SP140: variants seen among roughly 807,000 people sequenced by gnomAD.
SP140 encodes nuclear body protein SP140.
A neutral mutation model predicts 125.0 loss-of-function variants in SP140; 81 were observed. The ratio of observed to expected loss-of-function variants is 0.65; its 90% CI spans 0.54 to 0.78. The LOEUF is 0.78. SP140 is among the 30% of genes least tolerant of loss of function. SP140 has a pLI of 0.00. For synonymous variants in SP140, 312 were observed against 354.0 expected (o/e 0.88, Z 1.33); for missense variants, 858 against 1,037.0 (o/e 0.83, Z 2.37).
At chr2:230,304,423 C>T in intron 22 of SP140, among the ~76,000 whole-genome samples, 1 of 151,968 alleles carries the variant, frequency 6.6e-6, no homozygotes, top group East Asian at 1.9e-4. Flanking sequence ...CATACAGAAC[C>T]AAAAAAGAGC....
intron 15 of SP140, among the ~76,000 whole-genome samples, chr2:230,273,734 G>T (rs1355847241): frequency 9.9e-5 from 15 of 152,146 alleles, no homozygotes; most frequent in Non-Finnish European, 1.9e-4. Context: ...AAGAAAATGT[G>T]GTTCATGTAC....
At chr2:230,306,112 G>T (rs142617106) in intron 22 of SP140, among the ~76,000 whole-genome samples, 62 of 152,334 alleles carry the variant, frequency 4.1e-4, no homozygotes, top group Non-Finnish European at 7.2e-4. Context: ...ACGGCCAGAG[G>T]AGCAGCAGTG....
intron 7 of SP140, 151 bp downstream of exon 7, chr2:230,246,091 A>G: frequency 3.2e-6 from 2 of 615,566 alleles, no homozygotes; most frequent in East Asian, 2.8e-5. Context: ...ATATCCATCC[A>G]TCCATCTGTA....
intron 12 of SP140, among the ~76,000 whole-genome samples, chr2:230,257,581 A>G (rs902522729): frequency 6.6e-6 from 1 of 152,180 alleles, no homozygotes; most frequent in African/African-American, 2.4e-5. Context: ...AGCCGGGCCA[A>G]CATGGCAAAA....
At chr2:230,212,493 G>C in intron 1 of SP140, 1 of 1,323,288 alleles carries the variant, frequency 7.6e-7, no homozygotes, top group South Asian at 1.2e-5. Flanking sequence ...AAGAGTGAAT[G>C]TTAAAAGTGC....
chr2:230,199,539 T>C (rs1488177668), upstream of SP140, among the ~76,000 whole-genome samples: 1 of 152,094 alleles, frequency 6.6e-6, no homozygotes, highest in African/African-American at 2.4e-5. Context: ...GACAGCACAC[T>C]GCTTTTAGAA....
At chr2:230,207,725 T>G (rs2044024811) in intron 1 of SP140, among the ~76,000 whole-genome samples, 1 of 152,206 alleles carries the variant, frequency 6.6e-6, no homozygotes, top group African/African-American at 2.4e-5. Context: ...CTTCTCTGCA[T>G]CTCCACTGTC....
At position 230,248,100 on chromosome 2, in the gene SP140, G is replaced by A. The variant is rs187048475; in HGVS notation, c.892+35G>A. On this transcript the variant is annotated intron_variant, in intron 8 of 26. Coordinates refer to ENST00000392045, the MANE Select transcript of SP140 (RefSeq NM_007237.5). ...GAAGAAGCAGAGACATGTGTCAAGG[G>A]TGAAAATGAGAGTGCCAACATGGGG... 3.4e-4 allele frequency: 539 copies of A among 1,604,512 alleles called. 1 individual carries two copies. In the African/African-American group the frequency reaches 5.8e-3, roughly 17 times the overall value.
At chr2:230,273,412 C>G (rs927161039) in intron 15 of SP140, among the ~76,000 whole-genome samples, 11 of 152,124 alleles carry the variant, frequency 7.2e-5, no homozygotes, top group Non-Finnish European at 1.5e-4. Flanking sequence ...TCACACCAGT[C>G]AGAATGACTA....
At chr2:230,213,234 A>G (rs1574763237) in intron 1 of SP140, among the ~76,000 whole-genome samples, 1 of 152,186 alleles carries the variant, frequency 6.6e-6, no homozygotes, top group Non-Finnish European at 1.5e-5. Context: ...GAGTGCTACA[A>G]TAAGTGCATC....
At chr2:230,214,964 C>A in intron 3 of SP140, 2 of 1,613,974 alleles carry the variant, frequency 1.2e-6, no homozygotes, top group Middle Eastern at 3.3e-4. Flanking sequence ...TTTGAAGCTT[C>A]TGTAAATCGT....
intron 12 of SP140, among the ~76,000 whole-genome samples, chr2:230,261,804 T>C (rs2052302322): frequency 1.3e-5 from 2 of 152,194 alleles, no homozygotes; most frequent in African/African-American, 4.8e-5. Flanking sequence ...GTATGAAACC[T>C]ACTTCATCGT....
chr2:230,312,432 A>G lies in SP140; in HGVS notation c.2506-154A>G, dbSNP rs986991265. Among the ~76,000 whole-genome samples the G allele has an allele frequency of 2.6e-4, 39 of 152,238 alleles. 1 individual carries two copies. The highest frequency in any genetic ancestry group is 9.8e-4 in the Admixed American group (15 of 15,290). ...TTCCACATAGCAGTCATAAATCACAACATTACTTTGTACTCCAAAATATAT... is the reference window on the plus strand; with the variant it reads ...TTCCACATAGCAGTCATAAATCACAGCATTACTTTGTACTCCAAAATATAT... On this transcript the variant is annotated intron_variant, in intron 26 of 26. Coordinates refer to ENST00000392045, the MANE Select transcript of SP140 (RefSeq NM_007237.5).
chr2:230,296,530 T>C (rs1444265069), intron 21 of SP140, among the ~76,000 whole-genome samples: 77 of 152,220 alleles, frequency 5.1e-4, no homozygotes, highest in Non-Finnish European at 2.9e-5. Context: ...TGGCATCTTC[T>C]TGTGATTTGG....
chr2:230,243,647 A>G (rs968002323), intron 4 of SP140, 84 bp from the exon 5 acceptor site: 22 of 1,100,642 alleles, frequency 2.0e-5, no homozygotes, highest in African/African-American at 7.8e-5. Context: ...AGGTTTTCTT[A>G]GTTTTCTCAT....
upstream of SP140, among the ~76,000 whole-genome samples, chr2:230,200,307 A>T (rs1364680106): frequency 6.6e-6 from 1 of 152,178 alleles, no homozygotes; most frequent in Non-Finnish European, 1.5e-5. Flanking sequence ...TTATCAACTT[A>T]CTCCAGAAAT....
chr2:230,290,631 T>C, intron 19 of SP140, 67 bp downstream of exon 19: 1 of 1,287,838 alleles, frequency 7.8e-7, no homozygotes, highest in Non-Finnish European at 1.1e-6. Context: ...TGGGGAATTA[T>C]CATGTGAATT....
intron 1 of SP140, chr2:230,208,078 GTTTT>G: frequency 1.5e-6 from 2 of 1,344,230 alleles, no homozygotes; most frequent in Non-Finnish European, 2.1e-6. Context: ...AAAGGATAAT[GTTTT>G]ATAGTTACAA....
At chr2:230,289,356 G>A (rs2056852832) in intron 18 of SP140, among the ~76,000 whole-genome samples, 2 of 152,172 alleles carry the variant, frequency 1.3e-5, no homozygotes, top group African/African-American at 4.8e-5. Context: ...GTAGATTCTG[G>A]ATATTAGCCC....
Sources: allele counts gnomAD v4.1 joint callset (sites outside exome capture counted in the v4.1 genomes callset), GRCh38; gene constraint gnomAD v4.1.1; transcripts MANE v1.5; gene names NCBI Gene and HGNC (gene_info 2026-07-23, HGNC 2026-07-21).